Variants in KGD4 observed in about 807,000 individuals in gnomAD.
KGD4 encodes alpha-ketoglutarate dehydrogenase subunit 4, also known as alpha-ketoglutarate dehydrogenase component 4.
At chr5:69,225,950 C>G in the KGD4 span, among the ~76,000 whole-genome samples, 1 of 152,128 alleles carries the variant, frequency 6.6e-6, no homozygotes, top group Non-Finnish European at 1.5e-5. Context: ...AGGCTGGTCT[C>G]AAACTCCTGC....
At chr5:69,227,132 A>C in the KGD4 span, among the ~76,000 whole-genome samples, 2 of 152,078 alleles carry the variant, frequency 1.3e-5, no homozygotes, top group Non-Finnish European at 2.9e-5. Context: ...CCGCCTCCCA[A>C]AGTGCTGGGA....
chr5:69,220,235 AAAAC>A, the KGD4 span, among the ~76,000 whole-genome samples: 1 of 152,128 alleles, frequency 6.6e-6, no homozygotes, highest in Admixed American at 6.6e-5. Flanking sequence ...TCAAAAAAAA[AAAAC>A]AAAAAAACAT....
chr5:69,222,659 G>A, the KGD4 span, among the ~76,000 whole-genome samples: 3 of 152,158 alleles, frequency 2.0e-5, no homozygotes, highest in Non-Finnish European at 4.4e-5. Flanking sequence ...TCTTCCCAAA[G>A]TGCTGGGATT....
the KGD4 span, chr5:69,229,192 A>G: frequency 6.2e-7 from 1 of 1,608,630 alleles, no homozygotes; most frequent in Non-Finnish European, 8.5e-7. Context: ...TTACTGCTTT[A>G]TTTTTTCCTT....
chr5:69,226,111 T>C, the KGD4 span, among the ~76,000 whole-genome samples: 3 of 152,238 alleles, frequency 2.0e-5, no homozygotes, highest in Admixed American at 6.5e-5. Context: ...TGAAGTGAAG[T>C]ACACCTTCGA....
At chr5:69,218,806 G>C in the KGD4 span, among the ~76,000 whole-genome samples, 2 of 152,104 alleles carry the variant, frequency 1.3e-5, no homozygotes, top group African/African-American at 4.8e-5. Flanking sequence ...TCCTGAAATT[G>C]TTGTCTGAAT....
At chr5:69,226,358 A>G in the KGD4 span, 1 of 1,608,440 alleles carries the variant, frequency 6.2e-7, no homozygotes, top group Non-Finnish European at 8.5e-7. Context: ...CACACACTCC[A>G]TTAATAAGGT....
At chr5:69,226,242 A>G in the KGD4 span, 1 of 834,632 alleles carries the variant, frequency 1.2e-6, no homozygotes, top group Non-Finnish European at 1.9e-6. Context: ...TTGCTGTAAA[A>G]TAGTAATTTT....
chr5:69,221,362 G>A, the KGD4 span, among the ~76,000 whole-genome samples: 1 of 151,908 alleles, frequency 6.6e-6, no homozygotes, highest in African/African-American at 2.4e-5. Flanking sequence ...GCAAGACCTG[G>A]TCTCAAAAAA....
the KGD4 span, chr5:69,217,921 G>A: frequency 1.9e-6 from 3 of 1,613,544 alleles, no homozygotes; most frequent in Non-Finnish European, 2.5e-6. Flanking sequence ...GGACGGTGCT[G>A]ACTATGGCGA....
chr5:69,227,161 C>T, the KGD4 span, among the ~76,000 whole-genome samples: 2 of 152,136 alleles, frequency 1.3e-5, no homozygotes, highest in African/African-American at 2.4e-5. Flanking sequence ...ATGAGCCACT[C>T]ACCTGGCCTT....
chr5:69,226,245 G>C, the KGD4 span: 1 of 858,498 alleles, frequency 1.2e-6, no homozygotes, highest in Non-Finnish European at 1.9e-6. Context: ...CTGTAAAATA[G>C]TAATTTTAAC....
the KGD4 span, chr5:69,228,412 G>A: frequency 6.4e-7 from 1 of 1,572,626 alleles, no homozygotes; most frequent in South Asian, 1.2e-5. Context: ...TTTATCCCAA[G>A]ACTACGCAAA....
chr5:69,223,402 C>G, the KGD4 span, among the ~76,000 whole-genome samples: 1 of 105,506 alleles, frequency 9.5e-6, no homozygotes, highest in African/African-American at 3.5e-5. Flanking sequence ...GCATGGAAGA[C>G]TTGAGCATGA....
At chr5:69,219,367 G>A in the KGD4 span, among the ~76,000 whole-genome samples, 1 of 152,160 alleles carries the variant, frequency 6.6e-6, no homozygotes, top group Non-Finnish European at 1.5e-5. Flanking sequence ...AAGAACTGGG[G>A]TCCAGAGCTG....
the KGD4 span, among the ~76,000 whole-genome samples, chr5:69,225,173 G>A: frequency 6.8e-6 from 1 of 147,756 alleles, no homozygotes; most frequent in Non-Finnish European, 1.5e-5. Flanking sequence ...GGCAAGATCT[G>A]AGCTCACTGC....
chr5:69,218,170 T>G, the KGD4 span: 1 of 453,132 alleles, frequency 2.2e-6, no homozygotes, highest in Non-Finnish European at 3.9e-6. Context: ...TTGTTAGTCT[T>G]AGGCGTGTGC....
the KGD4 span, among the ~76,000 whole-genome samples, chr5:69,222,797 T>TG: frequency 6.6e-6 from 1 of 151,464 alleles, no homozygotes; most frequent in Admixed American, 6.6e-5. Flanking sequence ...AGAGAAGTTT[T>TG]TTTTTTTGAG....
the KGD4 span, chr5:69,228,514 A>T: frequency 1.1e-5 from 10 of 905,806 alleles, no homozygotes; most frequent in South Asian, 1.9e-4. Flanking sequence ...CTAAGACAGG[A>T]TGGTCAGGTA....
Sources: allele counts gnomAD v4.1 joint callset (sites outside exome capture counted in the v4.1 genomes callset), GRCh38; gene constraint gnomAD v4.1.1; transcripts MANE v1.5; gene names NCBI Gene and HGNC (gene_info 2026-07-23, HGNC 2026-07-21).